HIP1: variants seen among roughly 807,000 people sequenced by gnomAD.
HIP1 encodes huntingtin interacting protein 1.
Under a neutral mutation model 147.6 loss-of-function variants are expected in HIP1, and 65 were observed. The ratio of observed to expected loss-of-function variants is 0.44; its 90% CI spans 0.36 to 0.54. The LOEUF (loss-of-function observed/expected upper bound fraction) is 0.54. Among genes scored for constraint, HIP1 ranks in the 20% least tolerant of loss-of-function variants. The pLI, the probability that HIP1 is intolerant of heterozygous loss-of-function variation, is 0.00. For missense variants in HIP1, 1,061 were observed against 1,299.6 expected, an observed-to-expected ratio of 0.82 and a Z score of 2.82; for synonymous variants, 479 against 504.0, an observed-to-expected ratio of 0.95 and a Z score of 0.67.
chr7:75,720,929 T>C (rs1439286882), intron 1 of HIP1, among the ~76,000 whole-genome samples: 1 of 150,634 alleles, frequency 6.6e-6, no homozygotes, highest in African/African-American at 2.5e-5. Flanking sequence ...TCCCAGCTAC[T>C]AGGGAGGCTG....
intron 1 of HIP1, among the ~76,000 whole-genome samples, chr7:75,676,251 C>G (rs1799881724): frequency 6.6e-6 from 1 of 152,162 alleles, no homozygotes; most frequent in African/African-American, 2.4e-5. Flanking sequence ...TTTCCTTAAC[C>G]TCTTGGAACC....
At chr7:75,573,550 A>G (rs1372695840) in intron 8 of HIP1, among the ~76,000 whole-genome samples, 2 of 152,184 alleles carry the variant, frequency 1.3e-5, no homozygotes, top group African/African-American at 4.8e-5. Flanking sequence ...CTGGGACGCA[A>G]GAGTGGCAAG....
chr7:75,580,953 G>C (rs1796017995), intron 7 of HIP1, among the ~76,000 whole-genome samples: 1 of 152,126 alleles, frequency 6.6e-6, no homozygotes, highest in Non-Finnish European at 1.5e-5. Flanking sequence ...TGTTGGCCAG[G>C]CTGGTCTTGA....
Position 75,568,275 on chromosome 7 carries a change from AGT to A in HIP1, c.746-21_746-20del. The A allele has an allele frequency of 1.3e-6, 2 of 1,585,450 alleles. No homozygotes were observed. Among genetic ancestry groups the A allele is most frequent in the Non-Finnish European group, 1.7e-6 (2 of 1,154,242 alleles). On this transcript the variant is annotated intron_variant, in intron 8 of 30. Coordinates refer to ENST00000336926, the MANE Select transcript of HIP1 (RefSeq NM_005338.7). This position sits in a 1 kb window ranked among gnomAD's most constrained non-coding sequence, Gnocchi z 4.1. ...GGGAGGCCTGGAAGAAATTGGAAAG[AGT>A]GTGAGAGGGGAGGGGGACCAGAGGG...
intron 28 of HIP1, 63 bp from the exon 29 acceptor site, chr7:75,542,043 G>T: frequency 6.2e-6 from 8 of 1,297,370 alleles, no homozygotes; most frequent in African/African-American, 1.5e-5. Flanking sequence ...CACCTGAGAG[G>T]CAGCCAATGC....
intron 1 of HIP1, among the ~76,000 whole-genome samples, chr7:75,714,305 C>G (rs868940368): frequency 1.3e-5 from 2 of 152,086 alleles, no homozygotes; most frequent in African/African-American, 4.8e-5. Flanking sequence ...TCCCAAAGTG[C>G]TGGGATGACA....
rs185262809 is a variant in HIP1 at position 75,640,668 on chromosome 7, G to A, written c.121-41421C>T. On this transcript the variant is annotated intron_variant, in intron 1 of 30. Coordinates refer to ENST00000336926, the MANE Select transcript of HIP1 (RefSeq NM_005338.7). ...CTCGGGAGGCTGAGGCAGGAGAATCGCTTGAACCTGGGAGGCAGAGGTTGC... is the reference window on the plus strand; with the variant it reads ...CTCGGGAGGCTGAGGCAGGAGAATCACTTGAACCTGGGAGGCAGAGGTTGC... 1.5e-4 allele frequency among the ~76,000 whole-genome samples: 22 copies of A among 151,128 alleles called. No homozygotes were observed. In the East Asian group the frequency reaches 3.5e-3, roughly 24 times the overall value.
chr7:75,575,239 T>C (rs587632449), intron 7 of HIP1, among the ~76,000 whole-genome samples: 149 of 151,940 alleles, frequency 9.8e-4, no homozygotes, highest in Non-Finnish European at 1.7e-3. Flanking sequence ...GGCGGGTGGA[T>C]CGCCTGAGGT....
At chr7:75,639,092 C>G (rs1373965665) in intron 1 of HIP1, 1 of 984,836 alleles carries the variant, frequency 1.0e-6, no homozygotes, top group Non-Finnish European at 1.2e-6. Context: ...GGGCACCCCC[C>G]CACCCCTGGA....
At chr7:75,729,109 GA>G (rs374253540) in intron 1 of HIP1, among the ~76,000 whole-genome samples, 7,174 of 75,516 alleles carry the variant, frequency 0.095, 203 homozygotes, top group Middle Eastern at 0.17. Flanking sequence ...GGAAACAGAA[GA>G]AAAAAAAAAA....
chr7:75,595,080 G>C (rs1386266466), intron 2 of HIP1, among the ~76,000 whole-genome samples: 1 of 152,122 alleles, frequency 6.6e-6, no homozygotes, highest in South Asian at 2.1e-4. Flanking sequence ...TTCTGAACTG[G>C]AAGATACCAT....
intron 1 of HIP1, among the ~76,000 whole-genome samples, chr7:75,645,381 C>T (rs903249106): frequency 2.6e-5 from 4 of 151,994 alleles, no homozygotes; most frequent in Non-Finnish European, 4.4e-5. Flanking sequence ...CATGCACCAC[C>T]ACACCCAGCT....
At chr7:75,718,167 TA>T (rs1225120660) in intron 1 of HIP1, among the ~76,000 whole-genome samples, 1 of 150,676 alleles carries the variant, frequency 6.6e-6, no homozygotes, top group Non-Finnish European at 1.5e-5. Context: ...AGCCTTATGG[TA>T]AAAAAAATAA....
At chr7:75,644,428 C>G (rs946219467) in intron 1 of HIP1, among the ~76,000 whole-genome samples, 1 of 152,006 alleles carries the variant, frequency 6.6e-6, no homozygotes, top group East Asian at 1.9e-4. Context: ...CCAAGTAGCT[C>G]GGATTACAGG....
chr7:75,598,129 T>C (rs1271456235), intron 2 of HIP1, among the ~76,000 whole-genome samples: 1 of 152,196 alleles, frequency 6.6e-6, no homozygotes, highest in African/African-American at 2.4e-5. Context: ...ACTTTCTTTT[T>C]TTCGGCCAGG....
rs782107797 is a variant in HIP1, at chr7:75,599,171, T to A, written c.184+13A>T. 1.8e-5 allele frequency: 29 copies of A among 1,606,434 alleles called. No homozygotes were observed. In the East Asian group the frequency reaches 6.5e-4, roughly 36 times the overall value. ...CTCAGGGTCGGTCTTCCAAGCAACA[T>A]CCAAAAGGATATTTCTGGCGTGTTT... On this transcript the variant is annotated intron_variant, in intron 2 of 30. Transcript: ENST00000336926.
chr7:75,736,834 T>G (rs1554523738), intron 1 of HIP1, among the ~76,000 whole-genome samples: 4 of 151,908 alleles, frequency 2.6e-5, no homozygotes, highest in Admixed American at 6.6e-5. Context: ...GGAGGCACTT[T>G]CTTTTTTTCT....
At chr7:75,603,835 C>A (rs1554503420) in intron 1 of HIP1, among the ~76,000 whole-genome samples, 1 of 151,722 alleles carries the variant, frequency 6.6e-6, no homozygotes, top group Admixed American at 6.6e-5. Flanking sequence ...ATCGCCCCCA[C>A]TGCATTCCAG....
At chr7:75,626,802 TTTGA>T (rs587674969) in intron 1 of HIP1, 60 of 152,304 alleles carry the variant, frequency 3.9e-4, no homozygotes, top group African/African-American at 1.4e-3. Flanking sequence ...CATGCTTGTG[TTTGA>T]TTGAATCAAA....
Sources: gnomAD v4.1 joint callset for allele counts (sites outside exome capture counted in the v4.1 genomes callset) on GRCh38, gnomAD v4.1.1 for gene constraint, Gnocchi (gnomAD v3.1) non-coding constraint, MANE v1.5 for transcripts, NCBI Gene and HGNC (gene_info 2026-07-23, HGNC 2026-07-21) for gene names.